Variants in CCDC125 observed in about 807,000 individuals in gnomAD.
The protein encoded by CCDC125 is coiled-coil domain-containing protein 125.
In CCDC125, 43 loss-of-function variants were observed where a neutral mutation model predicts 57.4. That is an observed-to-expected ratio of 0.75 (90% CI 0.59 to 0.97). CCDC125 has a LOEUF of 0.97. Among genes scored for constraint, CCDC125 ranks in the 50% least tolerant of loss-of-function variants. The pLI, the probability that CCDC125 is intolerant of heterozygous loss-of-function variation, is 0.00. For synonymous variants in CCDC125, 187 were observed against 195.2 expected, an observed-to-expected ratio of 0.96 and a Z score of 0.35; for missense variants, 563 against 595.7, an observed-to-expected ratio of 0.95 and a Z score of 0.57.
At chr5:69,315,440 AAAAAAAAAAC>A (rs1406877988) in intron 2 of CCDC125, among the ~76,000 whole-genome samples, 11 of 26,388 alleles carry the variant, frequency 4.2e-4, no homozygotes, top group African/African-American at 4.3e-4. Flanking sequence ...TCTGTCTCAA[AAAAAAAAAAC>A]AAAAAAAAAA....
intron 6 of CCDC125, 53 bp from the exon 7 acceptor site, chr5:69,303,982 C>G: frequency 2.0e-6 from 2 of 1,002,504 alleles, no homozygotes; most frequent in Admixed American, 5.2e-5. Context: ...CCTTGCTGAG[C>G]GAGAATATTT....
chr5:69,275,423 TTCTC>T (rs1752016687), downstream of CCDC125, among the ~76,000 whole-genome samples: 1 of 152,188 alleles, frequency 6.6e-6, no homozygotes, highest in East Asian at 1.9e-4. Context: ...CTTTTTAAGT[TTCTC>T]TCTTTGCATT....
At chr5:69,296,818 G>C (rs1393076996) in intron 8 of CCDC125, among the ~76,000 whole-genome samples, 1 of 151,652 alleles carries the variant, frequency 6.6e-6, no homozygotes, top group Non-Finnish European at 1.5e-5. Flanking sequence ...ATAAAAATTA[G>C]CTGGGCATGG....
intron 1 of CCDC125, among the ~76,000 whole-genome samples, chr5:69,323,076 G>A (rs1760288246): frequency 6.6e-6 from 1 of 151,938 alleles, no homozygotes; most frequent in South Asian, 2.1e-4. Flanking sequence ...AGAGGCCAAG[G>A]TGGGCGGATC....
In CCDC125 at chr5:69,287,498, A is replaced by G. The variant is rs1036433229; in HGVS notation, c.1100-2031T>C. ...GGCTGGTCTCAAATTCCCGACCTCA[A>G]GTGATCCACCCACCTCAGCCTCCCA... is the stretch of plus-strand genomic sequence containing the variant. On this transcript the variant is annotated intron_variant, in intron 10 of 11. Coordinates refer to ENST00000396496, the MANE Select transcript of CCDC125 (RefSeq NM_176816.5). Among the ~76,000 whole-genome samples, 10 of 151,980 alleles carry G rather than the reference A, an allele frequency of 6.6e-5. 1 individual carries two copies. Among genetic ancestry groups the G allele is most frequent in the Admixed American group, 2.6e-4 (4 of 15,262 alleles).
chr5:69,291,787 C>A (rs1754505019), intron 10 of CCDC125, among the ~76,000 whole-genome samples: 1 of 152,188 alleles, frequency 6.6e-6, no homozygotes, highest in African/African-American at 2.4e-5. Context: ...TTCTCAAAAG[C>A]ATACATTTCA....
the CCDC125 span, among the ~76,000 whole-genome samples, chr5:69,274,944 G>C: frequency 1.3e-5 from 2 of 151,976 alleles, no homozygotes; most frequent in African/African-American, 4.8e-5. Flanking sequence ...TGTAGCCACT[G>C]GACAGCACTA....
intron 2 of CCDC125, among the ~76,000 whole-genome samples, chr5:69,319,495 T>A (rs934136861): frequency 2.6e-5 from 4 of 151,466 alleles, no homozygotes; most frequent in Admixed American, 2.6e-4. Flanking sequence ...TTTTTTTTTT[T>A]TTTTGAGATG....
rs1342326188 is a variant in CCDC125 at position 69,282,965 on chromosome 5, C to A, written c.1300G>T (p.Asp434Tyr). The change falls in exon 12 of 12, where the codon GAC (aspartate) becomes TAC (tyrosine). Residue 434 changes from aspartate to tyrosine, a missense_variant. Physicochemically the swap from Asp to Tyr is radical, Grantham distance 160. Transcript: ENST00000396496. ...VSYMLARALE[D>Y]KDTASNENKE... Reference sequence around the variant, plus strand: ...TTCTCGTTTGAAGCAGTGTCTTTGTCTTCCAATGCCCGAGCAAGCATGTAG... The same window carrying A: ...TTCTCGTTTGAAGCAGTGTCTTTGTATTCCAATGCCCGAGCAAGCATGTAG... The A allele has an allele frequency of 6.2e-7, 1 of 1,613,100 alleles. No individual in the cohort carries two copies. Among genetic ancestry groups the A allele is most frequent in the East Asian group, 2.2e-5 (1 of 44,856 alleles).
chr5:69,279,220 T>C (rs559608819), downstream of CCDC125, among the ~76,000 whole-genome samples: 11 of 125,528 alleles, frequency 8.8e-5, no homozygotes, highest in South Asian at 1.8e-3. Context: ...TTTTTGGAGA[T>C]GGAGTCTTGC....
chr5:69,300,164 G>A, intron 7 of CCDC125, 37 bp from the exon 8 acceptor site: 2 of 1,438,232 alleles, frequency 1.4e-6, no homozygotes, highest in Non-Finnish European at 9.8e-7. Flanking sequence ...TCATTATGAA[G>A]CCTAACTCCA....
intron 4 of CCDC125, chr5:69,309,691 G>A (rs1757854840): frequency 1.3e-5 from 2 of 152,320 alleles, no homozygotes; most frequent in South Asian, 4.1e-4. Flanking sequence ...GTGGAGCTAT[G>A]AGAAGAGGGC....
At chr5:69,285,312 T>C in intron 11 of CCDC125, 25 bp downstream of exon 11, 1 of 1,609,502 alleles carries the variant, frequency 6.2e-7, no homozygotes, top group Non-Finnish European at 8.5e-7. Flanking sequence ...AACCATAACC[T>C]GCAAAAAAAA....
At chr5:69,308,076 T>G in intron 4 of CCDC125, 48 bp from the exon 5 acceptor site, 1 of 1,223,186 alleles carries the variant, frequency 8.2e-7, no homozygotes, top group Non-Finnish European at 1.2e-6. Flanking sequence ...TTGTAATCAC[T>G]CCTATGTACA....
rs1211451359 is a variant in CCDC125, at chr5:69,285,373, G to A, written c.1194C>T (p.Asp398=). The A allele has an allele frequency of 6.2e-7, 1 of 1,612,628 alleles. No individual in the cohort carries two copies. The change falls in exon 11 of 12, where the codon GAC becomes GAT. Residue 398 remains aspartate, a synonymous_variant. Coordinates refer to ENST00000396496, the MANE Select transcript of CCDC125 (RefSeq NM_176816.5). ...ENSSKRMEDQ[D]SPQEVLKMLI... is the part of the protein sequence containing the mutation. Reference sequence around the variant, plus strand: ...GCATCTTAAGGACCTCTTGAGGACTGTCCTGGTCTTCCATCCTCTTAGAAC... The same window carrying A: ...GCATCTTAAGGACCTCTTGAGGACTATCCTGGTCTTCCATCCTCTTAGAAC...
At chr5:69,317,617 G>C (rs1759333367) in intron 2 of CCDC125, among the ~76,000 whole-genome samples, 2 of 152,130 alleles carry the variant, frequency 1.3e-5, no homozygotes, top group African/African-American at 4.8e-5. Context: ...AAAATATTTA[G>C]CCAGATAACA....
intron 2 of CCDC125, among the ~76,000 whole-genome samples, chr5:69,316,735 ACTC>A (rs1018695964): frequency 1.3e-5 from 2 of 151,896 alleles, no homozygotes; most frequent in Admixed American, 6.6e-5. Flanking sequence ...CTGGTGTCGA[ACTC>A]CTGGCCTCAA....
chr5:69,314,082 A>G, intron 2 of CCDC125, 36 bp from the exon 3 acceptor site: 1 of 1,421,580 alleles, frequency 7.0e-7, no homozygotes, highest in Non-Finnish European at 9.9e-7. Context: ...ATTAGGGGAA[A>G]AATTTTGAAT....
intron 8 of CCDC125, 49 bp downstream of exon 8, chr5:69,299,963 G>A: frequency 3.7e-6 from 5 of 1,361,898 alleles, no homozygotes; most frequent in Non-Finnish European, 5.3e-6. Flanking sequence ...AGAAAGAAAG[G>A]AAAGTAGCAA....
Sources: gnomAD v4.1 joint callset for allele counts (sites outside exome capture counted in the v4.1 genomes callset) on GRCh38, gnomAD v4.1.1 for gene constraint, MANE v1.5 for transcripts, NCBI Gene and HGNC (gene_info 2026-07-23, HGNC 2026-07-21) for gene names.